The following MLLT6 variants were observed in gnomAD, a reference collection of about 807,000 sequenced individuals.
MLLT6 encodes the protein protein AF-17.
MLLT6 carries 22 observed loss-of-function variants against 103.0 expected under a neutral mutation model. The observed-to-expected ratio is 0.21, with a 90% CI of 0.15 to 0.31. The LOEUF (loss-of-function observed/expected upper bound fraction) is 0.31. MLLT6 is among the 10% of genes least tolerant of loss of function. The pLI is 1.00. For missense variants in MLLT6, 1,199 were observed against 1,441.7 expected (o/e 0.83, Z 2.73); for synonymous variants, 606 against 623.5 (o/e 0.97, Z 0.42).
At chr17:38,723,428 G>C (rs527790810) in intron 18 of MLLT6, among the ~76,000 whole-genome samples, 1 of 152,262 alleles carries the variant, frequency 6.6e-6, no homozygotes, top group East Asian at 1.9e-4. Context: ...GGAGGTGGAG[G>C]CTGCAGTGAG....
chr17:38,722,725 T>C lies in MLLT6; in HGVS notation c.2840T>C (p.Leu947Pro). 1 of 1,454,664 alleles carries C rather than the reference T, an allele frequency of 6.9e-7. No homozygotes were observed. 90.1% of individuals were successfully genotyped at this position (1,454,664 alleles called of 1,614,324 possible). ...CTCCTTCAGCAGCAAGAGCAGCAGCTCCAGCAACTCCAGCAGCTCCTGGCC... is the reference window on the plus strand; with the variant it reads ...CTCCTTCAGCAGCAAGAGCAGCAGCCCCAGCAACTCCAGCAGCTCCTGGCC... ...RHLLQQQEQQ[L>P]QQLQQLLASP... is the part of the protein sequence containing the mutation. The change falls in exon 18 of 20, where the codon CTC (leucine) becomes CCC (proline). Residue 947 changes from leucine (L) to proline (P), a missense_variant. Leu to Pro is a moderately conservative substitution (Grantham distance 98). Transcript: ENST00000621332.
chr17:38,707,654 A>C, intron 3 of MLLT6, 109 bp from the exon 4 acceptor site: 1 of 1,287,346 alleles, frequency 7.8e-7, no homozygotes. Context: ...CTGGCGCTGG[A>C]ATCTGATGGG....
intron 12 of MLLT6, chr17:38,718,293 T>G: frequency 4.5e-6 from 1 of 221,776 alleles, no homozygotes; most frequent in Admixed American, 6.0e-5. Context: ...GAGAATTGCT[T>G]GAACGTGGGA....
rs1210449525 is a variant in MLLT6, at chr17:38,722,112, G to A, written c.2677G>A (p.Gly893Ser). 2 of 1,375,786 alleles carry A rather than the reference G, an allele frequency of 1.5e-6. No individual in the cohort carries two copies. Among genetic ancestry groups the A allele is most frequent in the Non-Finnish European group, 9.4e-7 (1 of 1,069,480 alleles). 85.2% of individuals were successfully genotyped at this position (1,375,786 alleles called of 1,614,324 possible). A position where few individuals can be genotyped will look rare whatever the true frequency, so the allele number is the denominator to read the frequency against. Residue 893 changes from glycine (G) to serine (S), a missense_variant, in exon 17 of 20, where the codon GGC becomes AGC. Gly to Ser is a moderately conservative substitution (Grantham distance 56, BLOSUM62 0). Around this residue, in one of 7 missense-constraint regions of MLLT6, gnomAD observed 1,034 missense variants for 1,091.5 expected, o/e 0.95. Coordinates refer to ENST00000621332, the MANE Select transcript of MLLT6 (RefSeq NM_005937.4). ...GTTGGGGGGGCTGGCAGGCAGTGGG[G>A]GCCTGCCCCTCAATGGGCTCCTTGG... ...GLLGGLAGSG[G>S]LPLNGLLGGL... is the part of the protein sequence containing the mutation.
rs1369989402 is a variant in MLLT6 at position 38,724,716 on chromosome 17, G to A, written c.2980G>A (p.Ala994Thr). 3.7e-6 allele frequency: 6 copies of A among 1,612,686 alleles called. No individual in the cohort carries two copies. In the East Asian group the frequency reaches 1.1e-4, roughly 30 times the overall value. Reference protein sequence around the residue: ...QMAGGSQLPMASLLAGSSTPL... With the variant: ...QMAGGSQLPMTSLLAGSSTPL... ...GGCTGGGGGCTCCCAGCTGCCCATG[G>A]CCAGCCTGCTGGCAGGAAGCTCCAC... The change falls in exon 19 of 20, where the codon GCC becomes ACC. Residue 994 changes from alanine to threonine, a missense_variant. By Grantham distance (58) the Ala-to-Thr change is moderately conservative. This residue lies in a region of MLLT6 where 1,034 missense variants were observed against 1,091.5 expected (regional missense o/e 0.95). Transcript: ENST00000621332. The surrounding 1 kb of genome is among the most constrained non-coding windows in gnomAD (Gnocchi z 5.4).
At chr17:38,719,631 C>A (rs1597998599) in intron 13 of MLLT6, 48 bp downstream of exon 13, 1 of 1,574,314 alleles carries the variant, frequency 6.4e-7, no homozygotes. Flanking sequence ...AGGAGGGACA[C>A]CCGAGGGAGG....
chr17:38,707,601 G>T lies in MLLT6; in HGVS notation c.244+61G>T. ...CCCTGAGCAGGGTCTGGGAAGGCAG[G>T]AATGGACTGAGTTGGGGTGGAGGCC... On this transcript the variant is annotated intron_variant, in intron 3 of 19. Coordinates refer to ENST00000621332, the MANE Select transcript of MLLT6 (RefSeq NM_005937.4). 4 of 1,555,950 alleles carry T rather than the reference G, an allele frequency of 2.6e-6. No homozygotes were observed. In the South Asian group the frequency reaches 4.5e-5, roughly 17 times the overall value.
chr17:38,716,071 AT>A lies in MLLT6; in HGVS notation c.1036+246del. 1 of 601,640 alleles carries A rather than the reference AT, an allele frequency of 1.7e-6. No homozygotes were observed. Among genetic ancestry groups the A allele is most frequent in the East Asian group, 2.8e-5 (1 of 35,822 alleles). 37.3% of individuals were successfully genotyped at this position (601,640 alleles called of 1,614,324 possible). A position where few individuals can be genotyped will look rare whatever the true frequency, so the allele number is the denominator to read the frequency against. On this transcript the variant is annotated intron_variant, in intron 9 of 19. Coordinates refer to ENST00000621332, the MANE Select transcript of MLLT6 (RefSeq NM_005937.4). The surrounding 1 kb of genome is among the most constrained non-coding windows in gnomAD (Gnocchi z 5.6). The stretch of plus-strand genomic sequence containing the variant: ...CATAACAGTATTCCTTATCCCCTAC[AT>A]TTGTGCTGCAAGGTACAATTTTTCA...
In MLLT6 at chr17:38,724,745, G is replaced by GCTGCTGTCTGCGGGTACC; in HGVS notation, c.3011_3028dup (p.Leu1004_Thr1009dup). The GCTGCTGTCTGCGGGTACC allele has an allele frequency of 6.2e-7, 1 of 1,609,966 alleles. No homozygotes were observed. The highest frequency in any genetic ancestry group is 8.5e-7 in the Non-Finnish European group (1 of 1,178,476). ...GCCTGCTGGCAGGAAGCTCCACCCC[G>GCTGCTGTCTGCGGGTACC]CTGCTGTCTGCGGGTACCCCTGGCC... is the stretch of plus-strand genomic sequence containing the variant. On this transcript the variant is annotated inframe_insertion, in exon 19 of 20. Coordinates refer to ENST00000621332, the MANE Select transcript of MLLT6 (RefSeq NM_005937.4). This position sits in a 1 kb window ranked among gnomAD's most constrained non-coding sequence, Gnocchi z 5.4.
At chr17:38,714,738 C>G (rs1203817365) in intron 8 of MLLT6, 1 of 152,404 alleles carries the variant, frequency 6.6e-6, no homozygotes, top group Non-Finnish European at 1.5e-5. Flanking sequence ...AGTGAAACTC[C>G]ATCTCAAAAA....
chr17:38,715,345 T>C, intron 8 of MLLT6: 1 of 446,546 alleles, frequency 2.2e-6, no homozygotes, highest in Non-Finnish European at 3.9e-6. Flanking sequence ...CCTCTTGGCT[T>C]CCATCTTCCC....
chr17:38,725,183 C>T, intron 19 of MLLT6: 2 of 542,582 alleles, frequency 3.7e-6, no homozygotes, highest in Non-Finnish European at 6.4e-6. Flanking sequence ...AGCATGGGCT[C>T]AGAGGAAAAG....
rs950946618 is a variant in MLLT6, at chr17:38,716,293, G to A, written c.1037-74G>A. The A allele has an allele frequency of 8.8e-6, 13 of 1,480,368 alleles. No individual in the cohort carries two copies. The highest frequency in any genetic ancestry group is 2.4e-5 in the South Asian group (2 of 82,002). 91.7% of individuals were successfully genotyped at this position (1,480,368 alleles called of 1,614,324 possible). A position where few individuals can be genotyped will look rare whatever the true frequency, so the allele number is the denominator to read the frequency against. On this transcript the variant is annotated intron_variant, in intron 9 of 19. Transcript: ENST00000621332. This position sits in a 1 kb window ranked among gnomAD's most constrained non-coding sequence, Gnocchi z 5.6. ...CATTCGTGGACCAGAGCTCTCTCCC[G>A]CCAGTACACGCGGGAGTGGGAGGGA...
At chr17:38,719,916 T>C in intron 14 of MLLT6, 21 bp downstream of exon 14, 1 of 1,552,674 alleles carries the variant, frequency 6.4e-7, no homozygotes, top group Non-Finnish European at 8.7e-7. Flanking sequence ...GTGGCGCCGG[T>C]CGGGACGCCT....
chr17:38,708,996 G>C, intron 4 of MLLT6, 177 bp from the exon 5 acceptor site: 1 of 597,114 alleles, frequency 1.7e-6, no homozygotes, highest in Non-Finnish European at 2.9e-6. Context: ...CCATGTGACT[G>C]GTGGCATTTG....
In MLLT6 at chr17:38,724,681, G is replaced by A. The variant is rs147695265; in HGVS notation, c.2945G>A (p.Arg982His). 1.2e-5 allele frequency: 19 copies of A among 1,612,682 alleles called. No individual in the cohort carries two copies. The highest frequency in any genetic ancestry group is 4.5e-5 in the East Asian group (2 of 44,856). The change falls in exon 19 of 20, where the codon CGC (arginine) becomes CAC (histidine). Residue 982 changes from arginine (R) to histidine (H), a missense_variant. Physicochemically the swap from Arg to His is conservative, Grantham distance 29. Coordinates refer to ENST00000621332, the MANE Select transcript of MLLT6 (RefSeq NM_005937.4). The surrounding 1 kb of genome is among the most constrained non-coding windows in gnomAD (Gnocchi z 5.4). Reference sequence around the variant, plus strand: ...ATCCAGCAGAAACGGGAGCTGCAGCGCCTGCAGATGGCTGGGGGCTCCCAG... The same window carrying A: ...ATCCAGCAGAAACGGGAGCTGCAGCACCTGCAGATGGCTGGGGGCTCCCAG... ...QQIQQKRELQRLQMAGGSQLP... is the reference protein window; with the variant it reads ...QQIQQKRELQHLQMAGGSQLP...
chr17:38,729,426 G>A lies in MLLT6; in HGVS notation c.*3828G>A. 4.3e-6 allele frequency: 1 copy of A among 233,522 alleles called. No homozygotes were observed. The highest frequency in any genetic ancestry group is 6.0e-5 in the East Asian group (1 of 16,588). 14.5% of individuals were successfully genotyped at this position (233,522 alleles called of 1,614,324 possible). A position where few individuals can be genotyped will look rare whatever the true frequency, so the allele number is the denominator to read the frequency against. ...ACCTACTGAAAAGTTGGGAACTGAG[G>A]GGTGCCTTCATTCCCCTTTGTTCAC... On this transcript the variant is annotated 3_prime_UTR_variant, in exon 20 of 20. Transcript: ENST00000621332.
intron 12 of MLLT6, 169 bp downstream of exon 12, chr17:38,718,122 C>T (rs977644619): frequency 2.0e-5 from 11 of 544,968 alleles, no homozygotes; most frequent in Non-Finnish European, 3.5e-5. Flanking sequence ...CGCCTGTAAT[C>T]CCAGCACTTT....
intron 2 of MLLT6, 134 bp downstream of exon 2, chr17:38,707,163 A>G: frequency 1.4e-6 from 1 of 698,488 alleles, no homozygotes; most frequent in South Asian, 2.0e-5. Context: ...TGTTTCCTGC[A>G]CACCTACCTC....
Sources: gnomAD v4.1 joint callset for allele counts (sites outside exome capture counted in the v4.1 genomes callset) on GRCh38, gnomAD v4.1.1 for gene constraint, gnomAD v4.1.1 regional missense constraint, Gnocchi (gnomAD v3.1) non-coding constraint, MANE v1.5 for transcripts, NCBI Gene and HGNC (gene_info 2026-07-23, HGNC 2026-07-21) for gene names.